SCFD2: variants seen among roughly 807,000 people sequenced by gnomAD.
SCFD2 encodes the protein sec1 family domain-containing protein 2.
A neutral mutation model predicts 58.9 loss-of-function variants in SCFD2; 54 were observed. That is an observed-to-expected ratio of 0.92 (90% CI 0.74 to 1.15). The LOEUF (loss-of-function observed/expected upper bound fraction) is 1.15, where lower values mean the gene tolerates loss of function less well. Ranked by LOEUF, SCFD2 falls within the 50% of genes most tolerant of loss-of-function variation. The pLI, the probability that SCFD2 is intolerant of heterozygous loss-of-function variation, is 0.00. For missense variants in SCFD2, 805 were observed against 836.6 expected (o/e 0.96, Z 0.47); for synonymous variants, 321 against 335.9 (o/e 0.96, Z 0.49).
intron 3 of SCFD2, 116 bp downstream of exon 3, chr4:53,313,503 CTATTCTTTCAACAGTAT>C: frequency 1.0e-6 from 1 of 954,912 alleles, no homozygotes; most frequent in Non-Finnish European, 1.6e-6. Flanking sequence ...TATTCCTTCC[CTATTCTTTCAACAGTAT>C]ACAAAAGTCG....
chr4:52,877,633 G>A (rs1296531594), intron 8 of SCFD2, among the ~76,000 whole-genome samples: 2 of 152,194 alleles, frequency 1.3e-5, no homozygotes, highest in Non-Finnish European at 2.9e-5. Flanking sequence ...CTCTAGAGGG[G>A]CTTAGAATGG....
intron 5 of SCFD2, among the ~76,000 whole-genome samples, chr4:53,024,219 A>G (rs1431274106): frequency 1.3e-5 from 2 of 151,668 alleles, no homozygotes; most frequent in African/African-American, 4.9e-5. Context: ...CCCAAAAAGA[A>G]GGATTCTAGG....
intron 4 of SCFD2, among the ~76,000 whole-genome samples, chr4:53,251,139 T>C (rs1276670873): frequency 6.6e-6 from 1 of 152,018 alleles, no homozygotes; most frequent in East Asian, 1.9e-4. Flanking sequence ...CTAGAAGAAA[T>C]GGATAAATTC....
intron 4 of SCFD2, among the ~76,000 whole-genome samples, chr4:53,181,551 A>T (rs1210475827): frequency 1.3e-5 from 2 of 152,222 alleles, no homozygotes; most frequent in Non-Finnish European, 2.9e-5. Context: ...CCAATATCAT[A>T]CTGAATGGGC....
chr4:53,128,102 A>C (rs987151424), intron 5 of SCFD2, among the ~76,000 whole-genome samples: 5 of 151,272 alleles, frequency 3.3e-5, no homozygotes, highest in African/African-American at 1.2e-4. Context: ...GCATGTTCCC[A>C]GAATTGTTTT....
intron 3 of SCFD2, among the ~76,000 whole-genome samples, chr4:53,282,863 G>T (rs1731548457): frequency 6.6e-6 from 1 of 152,038 alleles, no homozygotes; most frequent in Non-Finnish European, 1.5e-5. Flanking sequence ...AAAGAGCGAT[G>T]GATGAGTACT....
At chr4:53,329,294 GCA>G (rs1733337002) in intron 2 of SCFD2, among the ~76,000 whole-genome samples, 1 of 152,146 alleles carries the variant, frequency 6.6e-6, no homozygotes, top group East Asian at 1.9e-4. Context: ...TGGGGGCAGG[GCA>G]CAGACAAACA....
intron 4 of SCFD2, among the ~76,000 whole-genome samples, chr4:53,212,530 T>C (rs1206620268): frequency 6.7e-6 from 1 of 150,336 alleles, no homozygotes; most frequent in African/African-American, 2.5e-5. Flanking sequence ...ACCCACACAA[T>C]ATAGTATTAA....
Position 53,365,678 on chromosome 4 carries a change from G to C in SCFD2, c.264C>G (p.Ile88Met). Residue 88 changes from isoleucine (I) to methionine (M), a missense_variant, in exon 1 of 9, where the codon ATC becomes ATG. This residue lies in a region of SCFD2 where 155 missense variants were observed against 149.7 expected (regional missense o/e 1.04). Coordinates refer to ENST00000401642, the MANE Select transcript of SCFD2 (RefSeq NM_152540.4). This position sits in a 1 kb window ranked among gnomAD's most constrained non-coding sequence, Gnocchi z 4.3. ...SCLLKGRTVE[I>M]LRDIICRSHF... is the part of the protein sequence containing the mutation. The stretch of plus-strand genomic sequence containing the variant: ...GACTGCGGCAGATGATGTCCCGTAG[G>C]ATCTCCACGGTCCGGCCTTTCAGCA... The C allele has an allele frequency of 1.2e-6, 2 of 1,614,200 alleles. No individual in the cohort carries two copies. The highest frequency in any genetic ancestry group is 1.7e-6 in the Non-Finnish European group (2 of 1,180,040).
rs137917042 is a variant in SCFD2 at position 53,266,635 on chromosome 4, C to T, written c.1311+7191G>A. On this transcript the variant is annotated intron_variant, in intron 4 of 8. Transcript: ENST00000401642. ...GTACTTTAATTAAAAGGCAAAGCTA[C>T]TTTGTGAAAACACTCACTAATTGAA... is the stretch of plus-strand genomic sequence containing the variant. Among the ~76,000 whole-genome samples the T allele has an allele frequency of 3.9e-5, 6 of 152,334 alleles. No individual in the cohort carries two copies. In the East Asian group the frequency reaches 7.7e-4, roughly 20 times the overall value.
chr4:53,226,527 T>A lies in SCFD2; in HGVS notation c.1311+47299A>T, dbSNP rs553531509. ...TAACTTAATCAAATTATTTAAAAAA[T>A]TTTTCACTAACATTCTGATGAGCAA... On this transcript the variant is annotated intron_variant, in intron 4 of 8. Transcript: ENST00000401642. Among the ~76,000 whole-genome samples, 37 of 152,170 alleles carry A rather than the reference T, an allele frequency of 2.4e-4. No individual in the cohort carries two copies. The South Asian group carries it at 5.6e-3, about 23-fold the overall frequency.
At chr4:53,068,835 G>A (rs1723735787) in intron 5 of SCFD2, among the ~76,000 whole-genome samples, 1 of 152,004 alleles carries the variant, frequency 6.6e-6, no homozygotes, top group Non-Finnish European at 1.5e-5. Context: ...GTACTTTGTA[G>A]GGGTGGAAAA....
At chr4:52,974,025 T>C (rs1005090347) in intron 5 of SCFD2, among the ~76,000 whole-genome samples, 1 of 152,168 alleles carries the variant, frequency 6.6e-6, no homozygotes, top group African/African-American at 2.4e-5. Flanking sequence ...TATCTCAAAA[T>C]AGTAAGAGCT....
intron 5 of SCFD2, among the ~76,000 whole-genome samples, chr4:52,970,304 G>A (rs559966701): frequency 1.7e-3 from 259 of 152,326 alleles, no homozygotes; most frequent in African/African-American, 5.6e-3. Flanking sequence ...CTGGAAAATC[G>A]GGTCACTCCC....
intron 5 of SCFD2, among the ~76,000 whole-genome samples, chr4:53,113,533 G>A (rs941936480): frequency 1.1e-4 from 17 of 152,078 alleles, no homozygotes; most frequent in African/African-American, 4.1e-4. Context: ...AAAATAATCT[G>A]TCTTATCCTG....
At position 53,198,250 on chromosome 4, in the gene SCFD2, C is replaced by T. The variant is rs1396077913; in HGVS notation, c.1312-52668G>A. Among the ~76,000 whole-genome samples the T allele has an allele frequency of 2.0e-5, 3 of 151,944 alleles. 1 individual carries two copies. Among genetic ancestry groups the T allele is most frequent in the Non-Finnish European group, 4.4e-5 (3 of 67,968 alleles). On this transcript the variant is annotated intron_variant, in intron 4 of 8. Coordinates refer to ENST00000401642, the MANE Select transcript of SCFD2 (RefSeq NM_152540.4). ...GTATTTGACTTTAAAAGAATCAAAC[C>T]TCCTATCATCTTAGGCAAGTACTGT...
intron 4 of SCFD2, among the ~76,000 whole-genome samples, chr4:53,146,353 C>T (rs1014918261): frequency 1.3e-5 from 2 of 152,062 alleles, no homozygotes; most frequent in African/African-American, 2.4e-5. Context: ...TTGGTGGATA[C>T]AGAAATCCTC....
chr4:52,991,627 C>A (rs577045514), intron 5 of SCFD2, among the ~76,000 whole-genome samples: 1 of 152,138 alleles, frequency 6.6e-6, no homozygotes, highest in Non-Finnish European at 1.5e-5. Context: ...TACTAATGCA[C>A]CACATCTGAG....
chr4:53,220,903 C>T (rs1299754856), intron 4 of SCFD2, among the ~76,000 whole-genome samples: 2 of 152,164 alleles, frequency 1.3e-5, no homozygotes, highest in East Asian at 3.8e-4. Context: ...TCTTTCCTTC[C>T]AATAAAGCTA....
Sources: allele counts gnomAD v4.1 joint callset (sites outside exome capture counted in the v4.1 genomes callset), GRCh38; gene constraint gnomAD v4.1.1; regional missense constraint gnomAD v4.1.1; non-coding constraint Gnocchi (gnomAD v3.1); transcripts MANE v1.5; gene names NCBI Gene and HGNC (gene_info 2026-07-23, HGNC 2026-07-21).